The following RBP2 variants were observed in gnomAD, a reference collection of about 807,000 sequenced individuals.
RBP2 encodes retinol-binding protein 2.
RBP2 carries 17 observed loss-of-function variants against 17.0 expected under a neutral mutation model. The observed-to-expected ratio is 1.00, with a 90% CI of 0.68 to 1.50. RBP2 has a LOEUF of 1.50. Among genes scored for constraint, RBP2 ranks in the 40% most tolerant of loss-of-function variants. The pLI is 0.00. For synonymous variants in RBP2, 48 were observed against 57.1 expected, an observed-to-expected ratio of 0.84 and a Z score of 0.72; for missense variants, 158 against 168.2, an observed-to-expected ratio of 0.94 and a Z score of 0.33.
At chr3:139,459,995 T>C (rs1469611900) in intron 2 of RBP2, among the ~76,000 whole-genome samples, 1 of 152,138 alleles carries the variant, frequency 6.6e-6, no homozygotes, top group Non-Finnish European at 1.5e-5. Context: ...GGTAGGAGTG[T>C]GTTAACACGT....
In RBP2 at chr3:139,462,300, AAG is replaced by A. The variant is rs1259486382; in HGVS notation, c.74-12_74-11del. The A allele has an allele frequency of 1.2e-6, 2 of 1,613,934 alleles. No individual in the cohort carries two copies. The highest frequency in any genetic ancestry group is 8.5e-7 in the Non-Finnish European group (1 of 1,179,842). ...GTGGCAAAATCAATATCTGTTGGCA[AAG>A]GGAGTTGTGGAGGTTATGATGTGCT... On this transcript the variant is annotated splice_polypyrimidine_tract_variant and intron_variant, in intron 1 of 3. Transcript: ENST00000232217.
chr3:139,454,755 A>T lies in RBP2; in HGVS notation c.328T>A (p.Trp110Arg), dbSNP rs776099109. ...GEKENRGWKQWIEGDKLYLEL... is the reference protein window; with the variant it reads ...GEKENRGWKQRIEGDKLYLEL... Reference sequence around the variant, plus strand: ...AGGTACAGCTTGTCCCCCTCAATCCACTGCTTCCAGCCGCGGTTCTCCTTC... The same window carrying T: ...AGGTACAGCTTGTCCCCCTCAATCCTCTGCTTCCAGCCGCGGTTCTCCTTC... Residue 110 changes from tryptophan (W) to arginine (R), a missense_variant, in exon 3 of 4, where the codon TGG becomes AGG. Physicochemically the swap from Trp to Arg is moderately radical, Grantham distance 101. Coordinates refer to ENST00000232217, the MANE Select transcript of RBP2 (RefSeq NM_004164.3). 10 of 1,614,108 alleles carry T rather than the reference A, an allele frequency of 6.2e-6. No individual in the cohort carries two copies. Among genetic ancestry groups the T allele is most frequent in the Non-Finnish European group, 8.5e-6 (10 of 1,180,004 alleles).
chr3:139,456,597 G>T (rs1215668428), intron 2 of RBP2, among the ~76,000 whole-genome samples: 1 of 152,134 alleles, frequency 6.6e-6, no homozygotes, highest in Non-Finnish European at 1.5e-5. Flanking sequence ...AGCAGACGGG[G>T]GTGGGTATGC....
At position 139,460,947 on chromosome 3, in the gene RBP2, CATGAAAA is replaced by C. The variant is rs199712093; in HGVS notation, c.252+1158_252+1164del. On this transcript the variant is annotated intron_variant, in intron 2 of 3. Transcript: ENST00000232217. ...TAGACAGTGAACAGTCAATTGCAACCATGAAAAATGACAAGCCGGGAACCTTCCCAAA... is the reference window on the plus strand; with the variant it reads ...TAGACAGTGAACAGTCAATTGCAACCATGACAAGCCGGGAACCTTCCCAAA... Among the ~76,000 whole-genome samples the C allele has an allele frequency of 7.8e-3, 1,193 of 152,272 alleles. 16 individuals are homozygous for C. Among genetic ancestry groups the C allele is most frequent in the African/African-American group, 0.026 (1,061 of 41,546 alleles).
At chr3:139,470,778 A>T (rs1481319130) in intron 1 of RBP2, among the ~76,000 whole-genome samples, 1 of 151,992 alleles carries the variant, frequency 6.6e-6, no homozygotes, top group Non-Finnish European at 1.5e-5. Context: ...TAGAGGCAGA[A>T]GCCTCACTAT....
chr3:139,474,297 A>G (rs1242674709), intron 1 of RBP2, among the ~76,000 whole-genome samples: 1 of 152,138 alleles, frequency 6.6e-6, no homozygotes. Context: ...GATTTCTTGG[A>G]GAGAGCTGAT....
chr3:139,474,466 G>A (rs939946322), intron 1 of RBP2, among the ~76,000 whole-genome samples: 1 of 152,178 alleles, frequency 6.6e-6, no homozygotes, highest in African/African-American at 2.4e-5. Context: ...AGTCATCATA[G>A]GACTTTTTGT....
At chr3:139,465,211 T>C (rs1576424805) in intron 1 of RBP2, among the ~76,000 whole-genome samples, 1 of 152,264 alleles carries the variant, frequency 6.6e-6, no homozygotes, top group African/African-American at 2.4e-5. Flanking sequence ...TTTATGGGGA[T>C]ACATAGTGAA....
chr3:139,476,270 C>T (rs1448541560), intron 1 of RBP2, 117 bp downstream of exon 1: 4 of 748,328 alleles, frequency 5.3e-6, no homozygotes, highest in Non-Finnish European at 9.2e-6. Context: ...CACAGCTGTA[C>T]ATGAGGCATG....
chr3:139,456,544 A>G (rs1000453712), intron 2 of RBP2, among the ~76,000 whole-genome samples: 3 of 152,184 alleles, frequency 2.0e-5, no homozygotes, highest in African/African-American at 7.2e-5. Context: ...GCCGTAGTGT[A>G]TGGTTTAAGT....
intron 1 of RBP2, among the ~76,000 whole-genome samples, chr3:139,462,598 C>CACACACACACACACACACACGT (rs1553721838): frequency 1.3e-5 from 2 of 150,560 alleles, no homozygotes; most frequent in African/African-American, 4.9e-5. Context: ...CACACACACA[C>CACACACACACACACACACACGT]GTCACAGCAG....
intron 1 of RBP2, among the ~76,000 whole-genome samples, chr3:139,475,324 TAAAAA>T (rs397941333): frequency 3.1e-4 from 22 of 71,604 alleles, no homozygotes; most frequent in African/African-American, 7.8e-4. Context: ...GTCCCCAAAA[TAAAAA>T]AAAAAAAAAA....
intron 1 of RBP2, among the ~76,000 whole-genome samples, chr3:139,474,865 T>A (rs567729478): frequency 6.6e-6 from 1 of 152,168 alleles, no homozygotes. Context: ...CCCATTTCTA[T>A]TGGCCACTCC....
At chr3:139,458,779 T>C (rs1933074096) in intron 2 of RBP2, among the ~76,000 whole-genome samples, 1 of 152,226 alleles carries the variant, frequency 6.6e-6, no homozygotes, top group African/African-American at 2.4e-5. Flanking sequence ...CATGAGTCTG[T>C]CCTTCATCCT....
intron 1 of RBP2, among the ~76,000 whole-genome samples, chr3:139,465,568 A>G (rs1933329267): frequency 6.6e-6 from 1 of 152,170 alleles, no homozygotes; most frequent in Non-Finnish European, 1.5e-5. Context: ...GTGCTCCCCA[A>G]GCTCTGGGGT....
chr3:139,468,575 G>A (rs1933439247), intron 1 of RBP2, among the ~76,000 whole-genome samples: 1 of 152,082 alleles, frequency 6.6e-6, no homozygotes, highest in Non-Finnish European at 1.5e-5. Flanking sequence ...CTCTGCCCCA[G>A]GGAAGGTAGC....
At chr3:139,455,841 A>C (rs1932937488) in intron 2 of RBP2, among the ~76,000 whole-genome samples, 1 of 152,240 alleles carries the variant, frequency 6.6e-6, no homozygotes, top group African/African-American at 2.4e-5. Flanking sequence ...CTGAACAGCC[A>C]GGCTACAGTG....
At chr3:139,468,632 T>A (rs1372614367) in intron 1 of RBP2, among the ~76,000 whole-genome samples, 1 of 152,110 alleles carries the variant, frequency 6.6e-6, no homozygotes, top group Non-Finnish European at 1.5e-5. Flanking sequence ...CAAAAGGGTT[T>A]AACTGAGGAT....
In RBP2 at chr3:139,453,049, C is replaced by G; in HGVS notation, c.*67G>C. 5.0e-6 allele frequency: 8 copies of G among 1,592,342 alleles called. No individual in the cohort carries two copies. The highest frequency in any genetic ancestry group is 2.2e-5 in the South Asian group (2 of 90,588). ...TGGGAAGGTCCCCACAGCTGTTTCT[C>G]AAAGCCAGTAGACCACTCAGTGTGG... On this transcript the variant is annotated 3_prime_UTR_variant, in exon 4 of 4. Coordinates refer to ENST00000232217, the MANE Select transcript of RBP2 (RefSeq NM_004164.3).
Sources: allele counts gnomAD v4.1 joint callset (sites outside exome capture counted in the v4.1 genomes callset), GRCh38; gene constraint gnomAD v4.1.1; transcripts MANE v1.5; gene names NCBI Gene and HGNC (gene_info 2026-07-23, HGNC 2026-07-21).